Variants in KEAP1 observed in about 807,000 individuals in gnomAD.
The protein encoded by KEAP1 is kelch like ECH associated protein 1, also known as kelch-like ECH-associated protein 1.
In KEAP1, 26 loss-of-function variants were observed where a neutral mutation model predicts 59.7. The ratio of observed to expected loss-of-function variants is 0.44; its 90% CI spans 0.32 to 0.60. The LOEUF (loss-of-function observed/expected upper bound fraction) is 0.60. KEAP1 is among the 20% of genes least tolerant of loss of function. The pLI, the probability that KEAP1 is intolerant of heterozygous loss-of-function variation, is 0.06. For missense variants in KEAP1, 539 were observed against 871.4 expected (o/e 0.62, Z 4.80); for synonymous variants, 350 against 358.3 (o/e 0.98, Z 0.26).
intron 5 of KEAP1, 148 bp downstream of exon 5, chr19:10,489,044 G>A (rs1914572657): frequency 1.5e-6 from 1 of 672,142 alleles, no homozygotes; most frequent in South Asian, 2.2e-5. Context: ...CCAGCGAGCT[G>A]TGATCACACC....
chr19:10,489,604 A>AG (rs766214087), intron 4 of KEAP1, 44 bp downstream of exon 4: 27 of 1,593,884 alleles, frequency 1.7e-5, no homozygotes, highest in Non-Finnish European at 2.3e-5. Context: ...CCAGGATGGT[A>AG]GGGGGTGTTC....
chr19:10,501,186 A>G (rs1386348102), intron 1 of KEAP1, among the ~76,000 whole-genome samples: 1 of 152,116 alleles, frequency 6.6e-6, no homozygotes, highest in Admixed American at 6.6e-5. Context: ...GACTTAAGGA[A>G]GGGTTTCATG....
chr19:10,489,890 T>C (rs1914610864), intron 3 of KEAP1, 37 bp from the exon 4 acceptor site: 2 of 1,576,520 alleles, frequency 1.3e-6, no homozygotes, highest in East Asian at 4.6e-5. Flanking sequence ...CAATGGCCAT[T>C]ATAGCTGACC....
intron 2 of KEAP1, chr19:10,492,537 G>C: frequency 2.4e-6 from 1 of 410,638 alleles, no homozygotes; most frequent in Non-Finnish European, 4.5e-6. Context: ...GGCCAATATG[G>C]TGAAACCCCA....
At position 10,499,430 on chromosome 19, in the gene KEAP1, G is replaced by T; in HGVS notation, c.604C>A (p.Arg202Ser). Residue 202 changes from arginine (R) to serine (S), a missense_variant, in exon 2 of 6, where the codon CGT (arginine) becomes AGT (serine). Arg to Ser is a moderately radical substitution (Grantham distance 110, BLOSUM62 -1). This residue lies in a region of KEAP1 where 166 missense variants were observed against 295.8 expected (regional missense o/e 0.56). Coordinates refer to ENST00000171111, the MANE Select transcript of KEAP1 (RefSeq NM_203500.2). This position sits in a 1 kb window ranked among gnomAD's most constrained non-coding sequence, Gnocchi z 6.7. ...EQIGCVELHQ[R>S]AREYIYMHFG... ...TGCATGTAGATGTACTCCCGGGCAC[G>T]CTGGTGCAACTCCACACAGCCAATC... 1.9e-6 allele frequency: 3 copies of T among 1,613,022 alleles called. No individual in the cohort carries two copies. The highest frequency in any genetic ancestry group is 2.5e-6 in the Non-Finnish European group (3 of 1,179,690).
intron 4 of KEAP1, 86 bp downstream of exon 4, chr19:10,489,562 G>A (rs1914596404): frequency 6.8e-7 from 1 of 1,472,622 alleles, no homozygotes; most frequent in Admixed American, 1.7e-5. Context: ...GTTGCAACAG[G>A]GGGTCTCTCC....
intron 1 of KEAP1, among the ~76,000 whole-genome samples, 172 bp from the exon 2 acceptor site, chr19:10,500,252 C>G (rs951027203): frequency 3.3e-5 from 5 of 152,156 alleles, no homozygotes; most frequent in African/African-American, 1.2e-4. Flanking sequence ...CCTGATTGGC[C>G]CAAGAGCCCA....
chr19:10,491,228 C>G lies in KEAP1; in HGVS notation c.1325+349G>C, dbSNP rs1255074276. Among the ~76,000 whole-genome samples, 1 of 151,992 alleles carries G rather than the reference C, an allele frequency of 6.6e-6. No homozygotes were observed. Among genetic ancestry groups the G allele is most frequent in the East Asian group, 1.9e-4 (1 of 5,160 alleles). ...ACAGGGTCTTACTCTATTGCCCAGGCTAGTCTCCTGGACTCAAGCAATCCT... is the reference window on the plus strand; with the variant it reads ...ACAGGGTCTTACTCTATTGCCCAGGGTAGTCTCCTGGACTCAAGCAATCCT... On this transcript the variant is annotated intron_variant, in intron 3 of 5. Coordinates refer to ENST00000171111, the MANE Select transcript of KEAP1 (RefSeq NM_203500.2). This position sits in a 1 kb window ranked among gnomAD's most constrained non-coding sequence, Gnocchi z 5.2.
intron 2 of KEAP1, among the ~76,000 whole-genome samples, chr19:10,498,744 G>A (rs557953485): frequency 1.3e-5 from 2 of 152,186 alleles, no homozygotes; most frequent in Non-Finnish European, 2.9e-5. Flanking sequence ...AGAAACCAGG[G>A]AGCCCAGAGA....
rs746950247 is a variant in KEAP1, at chr19:10,500,011, C to T, written c.23G>A (p.Ser8Asn). Residue 8 changes from serine (S) to asparagine (N), a missense_variant, in exon 2 of 6, where the codon AGC becomes AAC. Transcript: ENST00000171111. ...GAATCGGCAGCAGGCCCCAGCCCCG[C>T]TAGGCCTGGGATCTGGCTGCATGGG... MQPDPRPSGAGACCRFLP... is the reference protein window; with the variant it reads MQPDPRPNGAGACCRFLP... The T allele has an allele frequency of 5.1e-6, 8 of 1,564,140 alleles. No individual in the cohort carries two copies. Among genetic ancestry groups the T allele is most frequent in the Non-Finnish European group, 6.9e-6 (8 of 1,151,424 alleles).
rs373906459 is a variant in KEAP1 at position 10,500,798 on chromosome 19, G to T, written c.-47-718C>A. ...GGGTTCAAGCGATCCTCCTGCCTCA[G>T]CCTCCCGAGTAGCTGGGACTACAGG... On this transcript the variant is annotated intron_variant, in intron 1 of 5. Coordinates refer to ENST00000171111, the MANE Select transcript of KEAP1 (RefSeq NM_203500.2). 1.1e-4 allele frequency among the ~76,000 whole-genome samples: 16 copies of T among 150,932 alleles called. No individual in the cohort carries two copies. The South Asian group carries it at 1.9e-3, about 18-fold the overall frequency.
At chr19:10,490,382 A>C (rs1914629699) in intron 3 of KEAP1, 1 of 133,248 alleles carries the variant, frequency 7.5e-6, no homozygotes, top group African/African-American at 2.9e-5. Context: ...TGGTGAGAGC[A>C]TGGCTCACTG....
In KEAP1 at chr19:10,489,038, C is replaced by T. The variant is rs1007069758; in HGVS notation, c.1708+154G>A. ...GGAGCCCAGGCTGTTGAGGCTCCAG[C>T]GAGCTGTGATCACACCACTGCACTC... On this transcript the variant is annotated intron_variant, in intron 5 of 5. Transcript: ENST00000171111. Among the ~76,000 whole-genome samples, 16 of 137,316 alleles carry T rather than the reference C, an allele frequency of 1.2e-4. No homozygotes were observed. In the East Asian group the frequency reaches 1.8e-3, roughly 15 times the overall value. The allele number at this position is 137,316 out of a possible 152,430, so 90.1% of individuals were successfully genotyped here.
At chr19:10,495,402 C>G (rs926949761) in intron 2 of KEAP1, among the ~76,000 whole-genome samples, 1 of 152,086 alleles carries the variant, frequency 6.6e-6, no homozygotes, top group South Asian at 2.1e-4. Flanking sequence ...TGGAAAAAAA[C>G]AAGTGACAGC....
rs201831466 is a variant in KEAP1, at chr19:10,496,497, A to AC, written c.639+2897dup. On this transcript the variant is annotated intron_variant, in intron 2 of 5. Coordinates refer to ENST00000171111, the MANE Select transcript of KEAP1 (RefSeq NM_203500.2). ...ATGACAGAGTGAGACTCTGTCCCCC[A>AC]CCCCCAAAAAAAAAAAAAAGGGGGC... Among the ~76,000 whole-genome samples, 171 of 136,078 alleles carry AC rather than the reference A, an allele frequency of 1.3e-3. 1 individual carries two copies. In the South Asian group the frequency reaches 0.019, roughly 15 times the overall value. 89.3% of individuals were successfully genotyped at this position (136,078 alleles called of 152,430 possible).
intron 5 of KEAP1, among the ~76,000 whole-genome samples, chr19:10,488,369 T>C (rs2144583235): frequency 6.6e-6 from 1 of 150,826 alleles, no homozygotes; most frequent in African/African-American, 2.4e-5. Context: ...TCCCAGCACT[T>C]TGGGAGGCTG....
intron 1 of KEAP1, among the ~76,000 whole-genome samples, chr19:10,500,743 G>A (rs980724733): frequency 2.7e-5 from 4 of 146,184 alleles, no homozygotes; most frequent in East Asian, 2.0e-4. Context: ...GCAATGGCTC[G>A]ATCTTGGCTC....
At position 10,499,905 on chromosome 19, in the gene KEAP1, C is replaced by T. The variant is rs748361074; in HGVS notation, c.129G>A (p.Thr43=). ...AGGTGCGGTTGCCATGCTGGGAGGG[C>T]GTCACCTCCGCCTTGCACTCAGTGG... ...YASTECKAEV[T]PSQHGNRTFS... Residue 43 remains threonine, a synonymous_variant, in exon 2 of 6, where the codon ACG becomes ACA. Coordinates refer to ENST00000171111, the MANE Select transcript of KEAP1 (RefSeq NM_203500.2). This position sits in a 1 kb window ranked among gnomAD's most constrained non-coding sequence, Gnocchi z 6.7. 1.1e-4 allele frequency: 175 copies of T among 1,613,090 alleles called. No individual in the cohort carries two copies. The highest frequency in any genetic ancestry group is 1.5e-4 in the Non-Finnish European group (172 of 1,179,750).
At position 10,497,755 on chromosome 19, in the gene KEAP1, G is replaced by A. The variant is rs887378956; in HGVS notation, c.639+1640C>T. 1.4e-4 allele frequency among the ~76,000 whole-genome samples: 22 copies of A among 152,200 alleles called. 1 individual carries two copies. The highest frequency in any genetic ancestry group is 4.6e-4 in the Admixed American group (7 of 15,264). The stretch of plus-strand genomic sequence containing the variant: ...TTAAAAACTAAAAAATTAGCCATGC[G>A]TGGTGCTGCATACCTATAGTCCCAG... On this transcript the variant is annotated intron_variant, in intron 2 of 5. Transcript: ENST00000171111.
Sources: allele counts gnomAD v4.1 joint callset (sites outside exome capture counted in the v4.1 genomes callset), GRCh38; gene constraint gnomAD v4.1.1; regional missense constraint gnomAD v4.1.1; non-coding constraint Gnocchi (gnomAD v3.1); transcripts MANE v1.5; gene names NCBI Gene and HGNC (gene_info 2026-07-23, HGNC 2026-07-21).